CPNE2: variants seen among roughly 807,000 people sequenced by gnomAD.
CPNE2 encodes copine-2.
In CPNE2, 42 loss-of-function variants were observed where a neutral mutation model predicts 69.7. The observed-to-expected ratio is 0.60, with a 90% CI of 0.47 to 0.78. The LOEUF is 0.78. Among genes scored for constraint, CPNE2 ranks in the 30% least tolerant of loss-of-function variants. CPNE2 has a pLI of 0.00. For synonymous variants in CPNE2, 294 were observed against 289.8 expected (o/e 1.01, Z -0.15); for missense variants, 587 against 732.0 (o/e 0.80, Z 2.29).
intron 11 of CPNE2, 120 bp downstream of exon 11, chr16:57,126,113 A>G: frequency 7.7e-7 from 1 of 1,292,200 alleles, no homozygotes. Flanking sequence ...AGCAAATGGC[A>G]TAGGTGCAGT....
intron 3 of CPNE2, among the ~76,000 whole-genome samples, chr16:57,115,241 A>G (rs945355022): frequency 2.6e-5 from 4 of 152,164 alleles, no homozygotes; most frequent in East Asian, 1.9e-4. Context: ...TGGGAGTCCA[A>G]CTGCAGCGGG....
At chr16:57,110,566 G>A in intron 1 of CPNE2, 142 bp from the exon 2 acceptor site, 1 of 486,180 alleles carries the variant, frequency 2.1e-6, no homozygotes, top group Admixed American at 4.0e-5. Flanking sequence ...TCAAACCTTT[G>A]CCTATGTTAT....
intron 11 of CPNE2, 114 bp from the exon 12 acceptor site, chr16:57,127,735 C>T (rs566129406): frequency 1.9e-5 from 19 of 1,023,788 alleles, no homozygotes; most frequent in South Asian, 1.6e-4. Flanking sequence ...AGGTGGTGAG[C>T]TCCTCCTTTC....
At chr16:57,093,207 T>G (rs1472998881) in intron 1 of CPNE2, among the ~76,000 whole-genome samples, 1 of 151,940 alleles carries the variant, frequency 6.6e-6, no homozygotes, top group Admixed American at 6.6e-5. Flanking sequence ...CGCTCCCCTC[T>G]GCCCTCCTCC....
intron 14 of CPNE2, among the ~76,000 whole-genome samples, chr16:57,140,589 A>ATTTTTTT (rs2069914461): frequency 6.6e-6 from 1 of 151,204 alleles, no homozygotes. Flanking sequence ...TTTTGAGACA[A>ATTTTTTT]AGTCTCATTC....
At chr16:57,132,056 G>A (rs562527695) in intron 12 of CPNE2, among the ~76,000 whole-genome samples, 11 of 152,260 alleles carry the variant, frequency 7.2e-5, no homozygotes, top group African/African-American at 2.6e-4. Flanking sequence ...CAGTGCCATT[G>A]TTTGTTGACG....
At position 57,137,405 on chromosome 16, in the gene CPNE2, C is replaced by T. The variant is rs1315653739; in HGVS notation, c.1302+123C>T. ...TGGACACCTCTGGGCCTTGCTTTAC[C>T]TTCACGTATTGTAAAAGTTGAGTCA... On this transcript the variant is annotated intron_variant, in intron 14 of 15. Coordinates refer to ENST00000290776, the MANE Select transcript of CPNE2 (RefSeq NM_152727.6). The T allele has an allele frequency of 7.1e-6, 9 of 1,268,596 alleles. No homozygotes were observed. In the East Asian group the frequency reaches 1.3e-4, roughly 18 times the overall value. 78.6% of individuals were successfully genotyped at this position (1,268,596 alleles called of 1,614,324 possible). A position where few individuals can be genotyped will look rare whatever the true frequency, so the allele number is the denominator to read the frequency against.
intron 1 of CPNE2, among the ~76,000 whole-genome samples, chr16:57,099,868 T>G (rs2069602522): frequency 6.7e-6 from 1 of 149,734 alleles, no homozygotes; most frequent in Non-Finnish European, 1.5e-5. Flanking sequence ...CTCTGCCTCC[T>G]GGATTCAAGC....
intron 1 of CPNE2, among the ~76,000 whole-genome samples, chr16:57,096,821 A>C (rs748276340): frequency 4.6e-5 from 7 of 152,078 alleles, no homozygotes; most frequent in Non-Finnish European, 7.4e-5. Flanking sequence ...AGGGCACATC[A>C]GGCAGGCCAG....
intron 10 of CPNE2, chr16:57,125,352 A>G (rs769834287): frequency 2.0e-5 from 9 of 455,968 alleles, no homozygotes; most frequent in Non-Finnish European, 4.0e-5. Flanking sequence ...CTGCTCTACC[A>G]GGCAACCCCA....
At chr16:57,114,934 CAAAAAAA>C (rs55845635) in intron 3 of CPNE2, among the ~76,000 whole-genome samples, 37 of 39,064 alleles carry the variant, frequency 9.5e-4, no homozygotes, top group South Asian at 1.2e-3. Context: ...TTGTCTCTAC[CAAAAAAA>C]AAAAAAAAAA....
At chr16:57,095,006 G>GC (rs2069569548) in intron 1 of CPNE2, among the ~76,000 whole-genome samples, 1 of 152,162 alleles carries the variant, frequency 6.6e-6, no homozygotes, top group Non-Finnish European at 1.5e-5. Context: ...GGGTCAGGGT[G>GC]CCCCCAGCCT....
chr16:57,110,017 T>C (rs768193901), intron 1 of CPNE2, among the ~76,000 whole-genome samples: 17 of 152,164 alleles, frequency 1.1e-4, no homozygotes, highest in Non-Finnish European at 2.2e-4. Context: ...GATGCCAACA[T>C]GCTAGTTGCT....
chr16:57,115,698 ACCGGCTGCTGGCT>A, intron 4 of CPNE2, 148 bp downstream of exon 4: 1 of 585,614 alleles, frequency 1.7e-6, no homozygotes, highest in South Asian at 2.2e-5. Context: ...TCTCTTAGCA[ACCGGCTGCTGGCT>A]CCACAAATGA....
At chr16:57,120,506 G>T (rs1349785872) in intron 7 of CPNE2, among the ~76,000 whole-genome samples, 1 of 152,024 alleles carries the variant, frequency 6.6e-6, no homozygotes, top group Admixed American at 6.5e-5. Context: ...GTCCCCAGGG[G>T]CTGGGTCTGA....
In CPNE2 at chr16:57,140,491, G is replaced by A. The variant is rs868830926; in HGVS notation, c.1302+3209G>A. ...CCACACCCATTTCCTCTTATGAAAT[G>A]GGCGTAGTAAACCCCCAGTGTGCTG... On this transcript the variant is annotated intron_variant, in intron 14 of 15. Transcript: ENST00000290776. Among the ~76,000 whole-genome samples, 8 of 151,280 alleles carry A rather than the reference G, an allele frequency of 5.3e-5. 1 individual carries two copies. The Middle Eastern group carries it at 0.018, about 343-fold the overall frequency.
At chr16:57,125,411 G>C (rs1319213113) in intron 10 of CPNE2, 2 of 454,196 alleles carry the variant, frequency 4.4e-6, no homozygotes, top group Non-Finnish European at 8.9e-6. Flanking sequence ...GATGGCTTGG[G>C]TTGGGGGTGA....
chr16:57,094,530 G>A (rs555221083), intron 1 of CPNE2, among the ~76,000 whole-genome samples: 1 of 152,322 alleles, frequency 6.6e-6, no homozygotes, highest in South Asian at 2.1e-4. Context: ...CCTCCTCCCA[G>A]TCCTCAGTTT....
At chr16:57,105,353 AG>A (rs1184716662) in intron 1 of CPNE2, among the ~76,000 whole-genome samples, 2 of 152,024 alleles carry the variant, frequency 1.3e-5, no homozygotes, top group Non-Finnish European at 2.9e-5. Context: ...CCAATGTCCA[AG>A]CCTGTCCTGC....
Sources: allele counts gnomAD v4.1 joint callset (sites outside exome capture counted in the v4.1 genomes callset), GRCh38; gene constraint gnomAD v4.1.1; transcripts MANE v1.5; gene names NCBI Gene and HGNC (gene_info 2026-07-23, HGNC 2026-07-21).